WDTC1: variants seen among roughly 807,000 people sequenced by gnomAD.
WDTC1 encodes the protein WD and tetratricopeptide repeats 1.
WDTC1 carries 12 observed loss-of-function variants against 76.0 expected under a neutral mutation model. The observed-to-expected ratio is 0.16, with a 90% confidence interval of 0.10 to 0.26. WDTC1 has a LOEUF of 0.26. Among genes scored for constraint, WDTC1 ranks in the 10% least tolerant of loss-of-function variants. The pLI is 1.00. For synonymous variants in WDTC1, 326 were observed against 350.8 expected, an observed-to-expected ratio of 0.93 and a Z score of 0.79; for missense variants, 511 against 908.8, an observed-to-expected ratio of 0.56 and a Z score of 5.63.
intron 1 of WDTC1, among the ~76,000 whole-genome samples, chr1:27,240,695 G>C (rs7540961): frequency 2.6e-5 from 4 of 152,028 alleles, no homozygotes; most frequent in African/African-American, 9.7e-5. Context: ...TTTAAGCCTG[G>C]GCTGGGCGCA....
intron 5 of WDTC1, among the ~76,000 whole-genome samples, chr1:27,284,264 A>G (rs999446153): frequency 2.6e-5 from 4 of 152,062 alleles, no homozygotes; most frequent in African/African-American, 9.7e-5. Flanking sequence ...GCACTTGTCC[A>G]CTCGCCAGGT....
chr1:27,299,693 T>C (rs879464489), intron 12 of WDTC1, among the ~76,000 whole-genome samples: 3 of 151,992 alleles, frequency 2.0e-5, no homozygotes, highest in African/African-American at 4.8e-5. Context: ...AGCGGTGACG[T>C]TGGCCTCGAT....
chr1:27,250,830 C>T (rs2012023849), intron 1 of WDTC1, among the ~76,000 whole-genome samples: 1 of 150,794 alleles, frequency 6.6e-6, no homozygotes, highest in Non-Finnish European at 1.5e-5. Context: ...TATGATTAGA[C>T]TAATTCCTCC....
intron 6 of WDTC1, among the ~76,000 whole-genome samples, chr1:27,291,482 C>T (rs2013532750): frequency 6.6e-6 from 1 of 152,126 alleles, no homozygotes; most frequent in Non-Finnish European, 1.5e-5. Flanking sequence ...GATGTCTAGG[C>T]AAGAGGGGAG....
intron 5 of WDTC1, 80 bp downstream of exon 5, chr1:27,283,529 G>A: frequency 2.3e-6 from 3 of 1,287,052 alleles, no homozygotes; most frequent in South Asian, 1.2e-5. Flanking sequence ...CGCCATGTTG[G>A]TATGTGTGTG....
chr1:27,295,371 A>C (rs532173413), intron 9 of WDTC1, among the ~76,000 whole-genome samples: 1 of 152,356 alleles, frequency 6.6e-6, no homozygotes, highest in African/African-American at 2.4e-5. Context: ...GGAATCATGA[A>C]AAGCTCAGGA....
intron 6 of WDTC1, among the ~76,000 whole-genome samples, chr1:27,290,350 CTA>C (rs751132495): frequency 2.0e-5 from 3 of 152,184 alleles, no homozygotes; most frequent in South Asian, 2.1e-4. Context: ...TCCCACAGTG[CTA>C]TGATTGCTGG....
Position 27,249,971 on chromosome 1 carries a change from A to C in WDTC1, c.-99-10985A>C, listed in dbSNP as rs113976520. Among the ~76,000 whole-genome samples the C allele has an allele frequency of 5.3e-5, 8 of 152,254 alleles. 1 individual carries two copies. Among genetic ancestry groups the C allele is most frequent in the African/African-American group, 1.9e-4 (8 of 41,534 alleles). On this transcript the variant is annotated intron_variant, in intron 1 of 15. Transcript: ENST00000319394. ...TCTGATCTTGCGTTTCAAACCTAAC[A>C]GGTGATAAAGACATCCTATACTCTG... is the stretch of plus-strand genomic sequence containing the variant.
chr1:27,257,007 C>T (rs1344417310), intron 1 of WDTC1, among the ~76,000 whole-genome samples: 7 of 152,050 alleles, frequency 4.6e-5, no homozygotes, highest in South Asian at 2.1e-4. Flanking sequence ...GGACTACAGG[C>T]GCCTGCCACC....
intron 1 of WDTC1, among the ~76,000 whole-genome samples, chr1:27,253,102 G>A (rs1345998618): frequency 1.3e-5 from 2 of 149,434 alleles, no homozygotes; most frequent in Non-Finnish European, 3.0e-5. Context: ...TCCGCCTCCC[G>A]GGTTCAGGTG....
At chr1:27,292,926 A>G (rs1261598634) in intron 7 of WDTC1, among the ~76,000 whole-genome samples, 2 of 149,200 alleles carry the variant, frequency 1.3e-5, no homozygotes, top group African/African-American at 2.5e-5. Flanking sequence ...TAATTTTTGT[A>G]TTATTAGTAG....
At position 27,306,430 on chromosome 1, in the gene WDTC1, G is replaced by A; in HGVS notation, c.*47G>A. 1 of 1,584,666 alleles carries A rather than the reference G, an allele frequency of 6.3e-7. No individual in the cohort carries two copies. Among genetic ancestry groups the A allele is most frequent in the Non-Finnish European group, 8.6e-7 (1 of 1,167,800 alleles). On this transcript the variant is annotated 3_prime_UTR_variant, in exon 16 of 16. Transcript: ENST00000319394. The surrounding 1 kb of genome is among the most constrained non-coding windows in gnomAD (Gnocchi z 5.0). ...GCCCCTGCTACTGGCTGGACCCTCT[G>A]CCCTGGGCAGGAGGTCAGGGGATTC...
At chr1:27,286,518 G>A (rs1192442699) in intron 5 of WDTC1, among the ~76,000 whole-genome samples, 1 of 138,338 alleles carries the variant, frequency 7.2e-6, no homozygotes. Context: ...TGCCCAGGCT[G>A]GAGTGCAGTG....
Position 27,306,205 on chromosome 1 carries a change from G to A in WDTC1, c.1856G>A (p.Arg619Gln), listed in dbSNP as rs757277375. Residue 619 changes from arginine (R) to glutamine (Q), a missense_variant, in exon 16 of 16, where the codon CGA (arginine) becomes CAA (glutamine). Arg to Gln is a conservative substitution (Grantham distance 43). Transcript: ENST00000319394. The surrounding 1 kb of genome is among the most constrained non-coding windows in gnomAD (Gnocchi z 5.0). ...PRPESEDLTG[R>Q]VVEDMEGASQ... Reference sequence around the variant, plus strand: ...CCACAGAGTGAAGACCTCACAGGCCGAGTCGTGGAAGATATGGAGGGTGCT... The same window carrying A: ...CCACAGAGTGAAGACCTCACAGGCCAAGTCGTGGAAGATATGGAGGGTGCT... The A allele has an allele frequency of 9.3e-6, 15 of 1,613,948 alleles. No homozygotes were observed. The highest frequency in any genetic ancestry group is 1.6e-4 in the Middle Eastern group (1 of 6,084).
intron 1 of WDTC1, among the ~76,000 whole-genome samples, chr1:27,255,072 C>T (rs777991368): frequency 2.0e-5 from 3 of 151,990 alleles, no homozygotes; most frequent in East Asian, 1.9e-4. Flanking sequence ...TTCCAAGCCA[C>T]GCACCAGTCT....
At chr1:27,288,980 C>T in intron 6 of WDTC1, among the ~76,000 whole-genome samples, 1 of 57,436 alleles carries the variant, frequency 1.7e-5, no homozygotes, top group South Asian at 6.5e-4. Context: ...GGGCGGGGGG[C>T]TGACCCCCCC....
intron 3 of WDTC1, among the ~76,000 whole-genome samples, chr1:27,278,681 T>C (rs78060136): frequency 0.013 from 1,925 of 152,334 alleles, 22 homozygotes; most frequent in East Asian, 0.024. Context: ...CCTGTTATTT[T>C]TATACTCATT....
Position 27,306,519 on chromosome 1 carries a change from G to A in WDTC1, c.*136G>A. 1 of 1,151,722 alleles carries A rather than the reference G, an allele frequency of 8.7e-7. No homozygotes were observed. The highest frequency in any genetic ancestry group is 1.2e-6 in the Non-Finnish European group (1 of 837,860). The allele number at this position is 1,151,722 out of a possible 1,614,324, so 71.3% of individuals were successfully genotyped here. A position where few individuals can be genotyped will look rare whatever the true frequency, so the allele number is the denominator to read the frequency against. On this transcript the variant is annotated 3_prime_UTR_variant, in exon 16 of 16. Coordinates refer to ENST00000319394, the MANE Select transcript of WDTC1 (RefSeq NM_001276252.2). The surrounding 1 kb of genome is among the most constrained non-coding windows in gnomAD (Gnocchi z 5.0). Reference sequence around the variant, plus strand: ...TTCCCCTGTTTTGTTTGTTAGTTTGGCGTTAGGGGTGGAGGTTGCTACAAC... The same window carrying A: ...TTCCCCTGTTTTGTTTGTTAGTTTGACGTTAGGGGTGGAGGTTGCTACAAC...
rs1171700191 is a variant in WDTC1, at chr1:27,274,584, C to T, written c.133-7655C>T. On this transcript the variant is annotated intron_variant, in intron 3 of 15. Transcript: ENST00000319394. This position sits in a 1 kb window ranked among gnomAD's most constrained non-coding sequence, Gnocchi z 4.2. ...TAAATTAATGAGGATTAATTTAAGC[C>T]GTTCTAGTATATAAGACCCAATCAG... Among the ~76,000 whole-genome samples the T allele has an allele frequency of 2.0e-5, 3 of 152,124 alleles. No individual in the cohort carries two copies. The highest frequency in any genetic ancestry group is 2.1e-4 in the South Asian group (1 of 4,816).
Sources: gnomAD v4.1 joint callset for allele counts (sites outside exome capture counted in the v4.1 genomes callset) on GRCh38, gnomAD v4.1.1 for gene constraint, Gnocchi (gnomAD v3.1) non-coding constraint, MANE v1.5 for transcripts, NCBI Gene and HGNC (gene_info 2026-07-23, HGNC 2026-07-21) for gene names.